The following TRPM3 variants were observed in gnomAD, a reference collection of about 807,000 sequenced individuals.
TRPM3 encodes transient receptor potential cation channel subfamily M member 3, also known as long transient receptor potential channel 3.
A neutral mutation model predicts 181.2 loss-of-function variants in TRPM3; 77 were observed. That is an observed-to-expected ratio of 0.42 (90% CI 0.35 to 0.51). The LOEUF is 0.51. Ranked by LOEUF, TRPM3 falls within the 20% of genes least tolerant of loss-of-function variation. TRPM3 has a pLI of 0.01. For missense variants in TRPM3, 1,759 were observed against 2,196.7 expected, an observed-to-expected ratio of 0.80 and a Z score of 3.98; for synonymous variants, 745 against 796.4, an observed-to-expected ratio of 0.94 and a Z score of 1.09.
Position 70,661,737 on chromosome 9 carries a change from CA to C in TRPM3, c.1345+19768del, listed in dbSNP as rs576193315. On this transcript the variant is annotated intron_variant, in intron 9 of 25. Transcript: ENST00000677713. ...AACTAAGGAGGTGAAAGATCTCTAC[CA>C]AAAAAACCCTACAAAACACTGCTGA... Among the ~76,000 whole-genome samples, 1,330 of 151,706 alleles carry C rather than the reference CA, an allele frequency of 8.8e-3. 11 individuals are homozygous for C. Among genetic ancestry groups the C allele is most frequent in the Non-Finnish European group, 0.015 (1,014 of 67,820 alleles).
At chr9:70,880,754 T>C (rs980916799) in intron 1 of TRPM3, among the ~76,000 whole-genome samples, 1 of 152,116 alleles carries the variant, frequency 6.6e-6, no homozygotes, top group South Asian at 2.1e-4. Context: ...CTCATGACAG[T>C]GTTACTATCA....
intron 1 of TRPM3, among the ~76,000 whole-genome samples, chr9:70,871,721 C>T (rs772414593): frequency 6.6e-6 from 1 of 151,996 alleles, no homozygotes; most frequent in African/African-American, 2.4e-5. Context: ...ATGCAACTCC[C>T]AACAGGGTAT....
At chr9:71,120,115 C>T (rs572850718) in intron 1 of TRPM3, among the ~76,000 whole-genome samples, 169 of 152,314 alleles carry the variant, frequency 1.1e-3, no homozygotes, top group African/African-American at 3.8e-3. Flanking sequence ...AACACATCCT[C>T]AGAACAAAAT....
intron 1 of TRPM3, among the ~76,000 whole-genome samples, chr9:70,956,296 C>CTTTTTT (rs537484746): frequency 2.1e-4 from 20 of 97,150 alleles, no homozygotes; most frequent in South Asian, 4.3e-4. Context: ...AGAAATACAC[C>CTTTTTT]TTTTTTTTTT....
At chr9:71,095,217 A>T (rs914872464) in intron 1 of TRPM3, among the ~76,000 whole-genome samples, 34 of 152,150 alleles carry the variant, frequency 2.2e-4, no homozygotes, top group African/African-American at 7.5e-4. Flanking sequence ...AAGTGAACAA[A>T]AACTCTCCTG....
chr9:71,123,974 T>C (rs1587499426), upstream of TRPM3, among the ~76,000 whole-genome samples: 1 of 152,136 alleles, frequency 6.6e-6, no homozygotes, highest in Admixed American at 6.5e-5. Flanking sequence ...TTAATTTTAC[T>C]GAATAACTTT....
intron 21 of TRPM3, among the ~76,000 whole-genome samples, chr9:70,595,996 T>C (rs1369099638): frequency 1.3e-5 from 2 of 152,194 alleles, no homozygotes; most frequent in Admixed American, 1.3e-4. Context: ...TACAGTAGGG[T>C]TAGGAATACA....
At chr9:71,039,129 C>G (rs778319402) in intron 1 of TRPM3, among the ~76,000 whole-genome samples, 2 of 152,206 alleles carry the variant, frequency 1.3e-5, no homozygotes, top group African/African-American at 2.4e-5. Context: ...TTCTGGCACT[C>G]TCATGGAAGC....
intron 9 of TRPM3, among the ~76,000 whole-genome samples, chr9:70,659,917 C>T (rs1338894633): frequency 1.3e-5 from 2 of 152,212 alleles, no homozygotes; most frequent in African/African-American, 2.4e-5. Context: ...GATGGATCGA[C>T]TTCACAGTAA....
intron 1 of TRPM3, among the ~76,000 whole-genome samples, chr9:71,390,661 A>G (rs918590565): frequency 5.3e-5 from 8 of 152,018 alleles, no homozygotes; most frequent in African/African-American, 1.9e-4. Flanking sequence ...ATGAATTAAA[A>G]CTGTCAATCA....
At chr9:70,957,219 C>T (rs143932780) in intron 1 of TRPM3, among the ~76,000 whole-genome samples, 51 of 152,198 alleles carry the variant, frequency 3.4e-4, no homozygotes, top group African/African-American at 1.2e-3. Context: ...GCACTTCGGC[C>T]TCCCAAAGTG....
chr9:71,109,429 C>T (rs920095001), intron 1 of TRPM3, among the ~76,000 whole-genome samples: 1 of 152,074 alleles, frequency 6.6e-6, no homozygotes, highest in Admixed American at 6.6e-5. Flanking sequence ...TGTTAATTTG[C>T]ATTGCATCAC....
At chr9:71,276,459 A>G (rs548197181) in intron 1 of TRPM3, among the ~76,000 whole-genome samples, 1 of 152,128 alleles carries the variant, frequency 6.6e-6, no homozygotes, top group South Asian at 2.1e-4. Flanking sequence ...TAGCATATAC[A>G]AAAAAAACTC....
intron 1 of TRPM3, among the ~76,000 whole-genome samples, chr9:71,339,758 C>T (rs956200903): frequency 3.3e-5 from 5 of 152,018 alleles, no homozygotes; most frequent in Non-Finnish European, 5.9e-5. Flanking sequence ...AAAGTTGACT[C>T]TGAGGGGGTA....
intron 1 of TRPM3, among the ~76,000 whole-genome samples, chr9:71,163,274 T>C (rs2134723391): frequency 6.6e-6 from 1 of 152,182 alleles, no homozygotes. Flanking sequence ...TGGACGAGAA[T>C]AGATGTATAT....
At chr9:71,124,276 C>T (rs2073898634), upstream of TRPM3, among the ~76,000 whole-genome samples, 1 of 151,176 alleles carries the variant, frequency 6.6e-6, no homozygotes, top group South Asian at 2.1e-4. Context: ...TAGAAGATGC[C>T]TTCCCCAGTT....
chr9:71,382,820 C>A (rs1421597987), intron 1 of TRPM3, among the ~76,000 whole-genome samples: 1 of 151,958 alleles, frequency 6.6e-6, no homozygotes, highest in African/African-American at 2.4e-5. Context: ...TTCACTCCTA[C>A]TTAGAAGTGA....
chr9:71,403,252 A>G (rs1312557610), intron 1 of TRPM3, among the ~76,000 whole-genome samples: 1 of 152,214 alleles, frequency 6.6e-6, no homozygotes, highest in Non-Finnish European at 1.5e-5. Flanking sequence ...TTCATGCTAC[A>G]ATGGCAGCAT....
At chr9:70,908,766 T>G (rs1365504999) in intron 1 of TRPM3, among the ~76,000 whole-genome samples, 2 of 152,080 alleles carry the variant, frequency 1.3e-5, no homozygotes, top group Non-Finnish European at 2.9e-5. Flanking sequence ...TGTGGCAGTG[T>G]CACAAAAATA....
Sources: allele counts gnomAD v4.1 joint callset (sites outside exome capture counted in the v4.1 genomes callset), GRCh38; gene constraint gnomAD v4.1.1; transcripts MANE v1.5; gene names NCBI Gene and HGNC (gene_info 2026-07-23, HGNC 2026-07-21).